The following MAP4K3 variants were observed in gnomAD, a reference collection of about 807,000 sequenced individuals.
MAP4K3 encodes the protein mitogen-activated protein kinase kinase kinase kinase 3, also known as MAPK/ERK kinase kinase kinase 3.
In MAP4K3, 94 loss-of-function variants were observed where a neutral mutation model predicts 143.5. That is an observed-to-expected ratio of 0.65 (90% CI 0.55 to 0.78). The LOEUF is 0.78. Ranked by LOEUF, MAP4K3 falls within the 30% of genes least tolerant of loss-of-function variation. MAP4K3 has a pLI of 0.00. For synonymous variants in MAP4K3, 416 were observed against 347.2 expected (o/e 1.20, Z -2.20); for missense variants, 1,077 against 1,068.1 (o/e 1.01, Z -0.12).
chr2:39,340,505 T>A (rs1279232092), intron 4 of MAP4K3, among the ~76,000 whole-genome samples: 2 of 152,226 alleles, frequency 1.3e-5, no homozygotes, highest in African/African-American at 4.8e-5. Context: ...ATTGACGAAT[T>A]CATATTACTT....
chr2:39,436,515 GACA>G (rs1449840807), intron 1 of MAP4K3: 2 of 201,612 alleles, frequency 9.9e-6, no homozygotes, highest in Non-Finnish European at 2.1e-5. Flanking sequence ...AGGCAGGTTT[GACA>G]ACACCAGACC....
chr2:39,331,939 A>G lies in MAP4K3; in HGVS notation c.508T>C (p.Ser170Pro). The change falls in exon 8 of 34, where the codon TCT (serine) becomes CCT (proline). Residue 170 changes from serine (S) to proline (P), a missense_variant. This residue lies in a region of MAP4K3 where 213 missense variants were observed against 266.8 expected (regional missense o/e 0.80). Transcript: ENST00000263881. ...TACCAATATGGTGTGCCAATGAAAGACTTCCGTTTGGCAATTGTAGCTGTT... is the reference window on the plus strand; with the variant it reads ...TACCAATATGGTGTGCCAATGAAAGGCTTCCGTTTGGCAATTGTAGCTGTT... ...QITATIAKRK[S>P]FIGTPYWMAP... 6.4e-7 allele frequency: 1 copy of G among 1,570,792 alleles called. No individual in the cohort carries two copies. The highest frequency in any genetic ancestry group is 8.7e-7 in the Non-Finnish European group (1 of 1,151,794).
chr2:39,344,367 G>A (rs1459372682), intron 3 of MAP4K3, among the ~76,000 whole-genome samples: 1 of 152,158 alleles, frequency 6.6e-6, no homozygotes, highest in Admixed American at 6.5e-5. Flanking sequence ...GGCTGGGAAT[G>A]GTTGTTACTT....
intron 1 of MAP4K3, among the ~76,000 whole-genome samples, chr2:39,407,609 T>C (rs1667131421): frequency 6.6e-6 from 1 of 152,178 alleles, no homozygotes; most frequent in Admixed American, 6.5e-5. Context: ...TCTCACTCTA[T>C]TGCCCAGGCT....
At chr2:39,370,193 T>G (rs1216330731) in intron 2 of MAP4K3, among the ~76,000 whole-genome samples, 1 of 152,252 alleles carries the variant, frequency 6.6e-6, no homozygotes, top group African/African-American at 2.4e-5. Context: ...TTTCAATGTG[T>G]AAATATTCAA....
chr2:39,432,787 T>G (rs1177622161), intron 1 of MAP4K3, among the ~76,000 whole-genome samples: 1 of 152,190 alleles, frequency 6.6e-6, no homozygotes, highest in Non-Finnish European at 1.5e-5. Context: ...AATCCTCACC[T>G]TTTTTCCTGC....
At position 39,437,031 on chromosome 2, in the gene MAP4K3, G is replaced by A. The variant is rs1408925258; in HGVS notation, c.-44C>T. ...CCCGCCTCCCTCCCGGGCAGGGGAG[G>A]GGGGCCGCTCAGGGGGCCACACGGA... On this transcript the variant is annotated 5_prime_UTR_variant, in exon 1 of 34. Transcript: ENST00000263881. The A allele has an allele frequency of 1.0e-5, 16 of 1,532,162 alleles. No homozygotes were observed. Among genetic ancestry groups the A allele is most frequent in the South Asian group, 4.6e-5 (4 of 87,532 alleles). 94.9% of individuals were successfully genotyped at this position (1,532,162 alleles called of 1,614,324 possible). A position where few individuals can be genotyped will look rare whatever the true frequency, so the allele number is the denominator to read the frequency against.
At chr2:39,272,090 A>G in intron 26 of MAP4K3, 193 bp downstream of exon 26, 1 of 424,418 alleles carries the variant, frequency 2.4e-6, no homozygotes, top group Non-Finnish European at 4.2e-6. Context: ...TGTCTGATAT[A>G]ATTTGAAAGT....
intron 2 of MAP4K3, among the ~76,000 whole-genome samples, chr2:39,362,964 A>G (rs762203149): frequency 1.3e-5 from 2 of 152,250 alleles, no homozygotes; most frequent in Non-Finnish European, 2.9e-5. Flanking sequence ...GTATTCAACA[A>G]AGGTGCTGGG....
At position 39,336,915 on chromosome 2, in the gene MAP4K3, T is replaced by C. The variant is rs1664986166; in HGVS notation, c.414+5A>G. ...GGGTTATTATGTTAAAAATATAATGTATACCTTTATATCTCTGTGCATTTT... is the reference window on the plus strand; with the variant it reads ...GGGTTATTATGTTAAAAATATAATGCATACCTTTATATCTCTGTGCATTTT... On this transcript the variant is annotated splice_donor_5th_base_variant and intron_variant, in intron 6 of 33. Transcript: ENST00000263881. 1 of 1,195,664 alleles carries C rather than the reference T, an allele frequency of 8.4e-7. No individual in the cohort carries two copies. Among genetic ancestry groups the C allele is most frequent in the Non-Finnish European group, 1.2e-6 (1 of 843,090 alleles). 74.1% of individuals were successfully genotyped at this position (1,195,664 alleles called of 1,614,324 possible).
At chr2:39,304,658 T>C (rs867959300) in intron 15 of MAP4K3, among the ~76,000 whole-genome samples, 5 of 152,200 alleles carry the variant, frequency 3.3e-5, no homozygotes, top group African/African-American at 7.2e-5. Flanking sequence ...GAAAATAGTA[T>C]GGCAGTTTCT....
At chr2:39,267,726 G>T (rs910400209) in intron 26 of MAP4K3, among the ~76,000 whole-genome samples, 1 of 151,222 alleles carries the variant, frequency 6.6e-6, no homozygotes, top group Non-Finnish European at 1.5e-5. Flanking sequence ...CCTTCTCATG[G>T]CCCCCAATCA....
chr2:39,411,642 A>T lies in MAP4K3; in HGVS notation c.96+25250T>A, dbSNP rs1012105627. On this transcript the variant is annotated intron_variant, in intron 1 of 33. Coordinates refer to ENST00000263881, the MANE Select transcript of MAP4K3 (RefSeq NM_003618.4). ...GGAACCAGTAAGCTTTTATCTGGCA[A>T]AGGCTTCGTCATCCATTCAGTTCTA... Among the ~76,000 whole-genome samples the T allele has an allele frequency of 2.0e-5, 3 of 152,360 alleles. No homozygotes were observed. In the East Asian group the frequency reaches 5.8e-4, roughly 29 times the overall value.
intron 11 of MAP4K3, 49 bp from the exon 12 acceptor site, chr2:39,325,677 A>T: frequency 6.4e-7 from 1 of 1,561,522 alleles, no homozygotes; most frequent in Non-Finnish European, 8.8e-7. Flanking sequence ...ATCTGATTGA[A>T]TAACATTTTA....
chr2:39,401,409 C>T (rs534110700), intron 1 of MAP4K3, among the ~76,000 whole-genome samples: 1 of 152,158 alleles, frequency 6.6e-6, no homozygotes, highest in Non-Finnish European at 1.5e-5. Flanking sequence ...ATTTAAGAGA[C>T]ACCAGGTAGA....
At chr2:39,392,288 G>C (rs770652554) in intron 1 of MAP4K3, among the ~76,000 whole-genome samples, 3 of 151,052 alleles carry the variant, frequency 2.0e-5, no homozygotes, top group Non-Finnish European at 4.4e-5. Flanking sequence ...AAGTTTTCCA[G>C]ATAATGGGAT....
At chr2:39,435,340 T>C (rs73924016) in intron 1 of MAP4K3, among the ~76,000 whole-genome samples, 4,619 of 152,270 alleles carry the variant, frequency 0.03, 245 homozygotes, top group African/African-American at 0.1. Flanking sequence ...TCCGATCTCC[T>C]AATGAGAACT....
intron 1 of MAP4K3, among the ~76,000 whole-genome samples, chr2:39,435,208 G>C (rs945588317): frequency 4.0e-5 from 3 of 74,578 alleles, no homozygotes; most frequent in African/African-American, 8.1e-5. Flanking sequence ...GACTATCACA[G>C]TGGCCTCCCA....
At chr2:39,377,372 T>C (rs1338427485) in intron 2 of MAP4K3, among the ~76,000 whole-genome samples, 1 of 152,048 alleles carries the variant, frequency 6.6e-6, no homozygotes, top group African/African-American at 2.4e-5. Flanking sequence ...GTCTAGACAC[T>C]AGCACAATTA....
Sources: allele counts gnomAD v4.1 joint callset (sites outside exome capture counted in the v4.1 genomes callset), GRCh38; gene constraint gnomAD v4.1.1; regional missense constraint gnomAD v4.1.1; transcripts MANE v1.5; gene names NCBI Gene and HGNC (gene_info 2026-07-23, HGNC 2026-07-21).